Variants in STK24 observed in about 807,000 individuals in gnomAD.
STK24 encodes serine/threonine-protein kinase 24.
STK24 carries 21 observed loss-of-function variants against 55.6 expected under a neutral mutation model. That is an observed-to-expected ratio of 0.38 (90% CI 0.27 to 0.54). The LOEUF is 0.54. STK24 is among the 20% of genes least tolerant of loss of function. The probability of loss-of-function intolerance (pLI) is 0.79; values close to 1 mark genes in which losing one functional copy is unlikely to be tolerated. For missense variants in STK24, 383 were observed against 538.4 expected (o/e 0.71, Z 2.86); for synonymous variants, 200 against 215.2 (o/e 0.93, Z 0.62).
chr13:98,543,092 C>G, intron 1 of STK24: 1 of 901,752 alleles, frequency 1.1e-6, no homozygotes, highest in Non-Finnish European at 1.3e-6. Flanking sequence ...GGCCGCAGCT[C>G]CGCTCCGGCT....
chr13:98,527,639 G>T (rs2139396976), intron 1 of STK24, among the ~76,000 whole-genome samples: 1 of 152,268 alleles, frequency 6.6e-6, no homozygotes, highest in East Asian at 1.9e-4. Context: ...TGAACGACTG[G>T]GGAGGGCACA....
chr13:98,466,726 C>T (rs1482529450), intron 5 of STK24, among the ~76,000 whole-genome samples, 165 bp from the exon 6 acceptor site: 1 of 152,196 alleles, frequency 6.6e-6, no homozygotes, highest in Non-Finnish European at 1.5e-5. Context: ...TCAAAAGAGA[C>T]AACAGGAGAA....
At chr13:98,501,129 TTAGTC>T (rs1895444459) in intron 2 of STK24, among the ~76,000 whole-genome samples, 1 of 152,242 alleles carries the variant, frequency 6.6e-6, no homozygotes, top group African/African-American at 2.4e-5. Context: ...TTCAAACTCT[TTAGTC>T]TATAATTAAG....
intron 3 of STK24, among the ~76,000 whole-genome samples, chr13:98,478,433 C>A (rs1566357709): frequency 1.3e-5 from 2 of 152,228 alleles, no homozygotes; most frequent in Non-Finnish European, 2.9e-5. Context: ...AAATGTGCCC[C>A]ATGCCCCTGC....
At chr13:98,501,388 G>T in intron 2 of STK24, among the ~76,000 whole-genome samples, 1 of 152,216 alleles carries the variant, frequency 6.6e-6, no homozygotes, top group East Asian at 1.9e-4. Context: ...AGGAGGGCAG[G>T]GGCAGCGAGA....
intron 7 of STK24, among the ~76,000 whole-genome samples, chr13:98,462,788 G>A (rs1893764173): frequency 6.6e-6 from 1 of 152,016 alleles, no homozygotes; most frequent in South Asian, 2.1e-4. Flanking sequence ...CCCCACACTC[G>A]GCTTCCCGCA....
chr13:98,448,240 A>G lies in STK24; in HGVS notation c.*4933T>C. 6.2e-7 allele frequency: 1 copy of G among 1,613,778 alleles called. No individual in the cohort carries two copies. Among genetic ancestry groups the G allele is most frequent in the Non-Finnish European group, 8.5e-7 (1 of 1,179,704 alleles). ...ACTGGCGTTCCCGTGTTGCAGGTGGATGGAAGTGATCCGCAGTGCCACCAG... is the reference window on the plus strand; with the variant it reads ...ACTGGCGTTCCCGTGTTGCAGGTGGGTGGAAGTGATCCGCAGTGCCACCAG... On this transcript the variant is annotated 3_prime_UTR_variant, in exon 11 of 11. Transcript: ENST00000539966.
chr13:98,515,545 T>C (rs1453027221), intron 2 of STK24, among the ~76,000 whole-genome samples: 2 of 152,074 alleles, frequency 1.3e-5, no homozygotes, highest in African/African-American at 2.4e-5. Flanking sequence ...TGTTGTATTG[T>C]TCCTTCTCCT....
intron 3 of STK24, among the ~76,000 whole-genome samples, chr13:98,481,889 AAAC>A (rs753407168): frequency 1.9e-3 from 290 of 151,962 alleles, no homozygotes; most frequent in Non-Finnish European, 3.1e-3. Flanking sequence ...TTCTACCCAA[AAAC>A]AACAACAACA....
intron 2 of STK24, among the ~76,000 whole-genome samples, chr13:98,507,772 A>G (rs1895746727): frequency 6.6e-6 from 1 of 152,180 alleles, no homozygotes; most frequent in South Asian, 2.1e-4. Context: ...AGATCTCCAG[A>G]GCACAGAGTC....
chr13:98,447,045 C>T lies in STK24; in HGVS notation c.*6128G>A, dbSNP rs1892890954. 5.9e-6 allele frequency: 3 copies of T among 511,900 alleles called. No homozygotes were observed. Among genetic ancestry groups the T allele is most frequent in the Non-Finnish European group, 1.1e-5 (3 of 284,532 alleles). The allele number at this position is 511,900 out of a possible 1,614,324, so 31.7% of individuals were successfully genotyped here. A position where few individuals can be genotyped will look rare whatever the true frequency, so the allele number is the denominator to read the frequency against. On this transcript the variant is annotated 3_prime_UTR_variant, in exon 11 of 11. Coordinates refer to ENST00000539966, the MANE Select transcript of STK24 (RefSeq NM_001032296.4). ...TACCCTGCACGGTGTTGGCTGAGGC[C>T]CTAGACATCTTGCTTGGAGATCTCT...
Position 98,448,048 on chromosome 13 carries a change from A to G in STK24, c.*5125T>C. ...CCAGCTCCACACTGAGTGAGTGCCC[A>G]GGCCAGTGGGTCTCCACTGTACCTC... On this transcript the variant is annotated 3_prime_UTR_variant, in exon 11 of 11. Transcript: ENST00000539966. 1 of 610,564 alleles carries G rather than the reference A, an allele frequency of 1.6e-6. No individual in the cohort carries two copies. The highest frequency in any genetic ancestry group is 3.0e-6 in the Non-Finnish European group (1 of 338,058). The allele number at this position is 610,564 out of a possible 1,614,324, so 37.8% of individuals were successfully genotyped here.
At chr13:98,456,620 C>CAT in intron 10 of STK24, 1 of 465,926 alleles carries the variant, frequency 2.1e-6, no homozygotes, top group African/African-American at 2.0e-5. Flanking sequence ...AGTCCTCACC[C>CAT]ATAGTGCATT....
chr13:98,524,803 C>T (rs1319592017), intron 1 of STK24, among the ~76,000 whole-genome samples: 2 of 152,152 alleles, frequency 1.3e-5, no homozygotes, highest in African/African-American at 2.4e-5. Flanking sequence ...TTGCCTGGAC[C>T]AAGACGGCTT....
chr13:98,528,176 C>A (rs1288545837), intron 1 of STK24, among the ~76,000 whole-genome samples: 4 of 152,136 alleles, frequency 2.6e-5, no homozygotes, highest in African/African-American at 9.7e-5. Flanking sequence ...GTCTCGGGCT[C>A]CCTTCACAGA....
intron 3 of STK24, among the ~76,000 whole-genome samples, chr13:98,479,638 T>C (rs377580639): frequency 6.6e-6 from 1 of 152,182 alleles, no homozygotes; most frequent in Non-Finnish European, 1.5e-5. Context: ...AATTTTTAAC[T>C]TGGGGCAAAG....
At chr13:98,576,108 T>G (rs1375778384) in intron 1 of STK24, 2 of 984,724 alleles carry the variant, frequency 2.0e-6, no homozygotes, top group Non-Finnish European at 2.4e-6. Flanking sequence ...GTCCGAGGGA[T>G]TCCTCCTTCC....
At chr13:98,574,089 G>A (rs529554955) in intron 1 of STK24, among the ~76,000 whole-genome samples, 1 of 151,888 alleles carries the variant, frequency 6.6e-6, no homozygotes, top group Non-Finnish European at 1.5e-5. Context: ...TCAGCTCAAC[G>A]CAACCTCCGC....
intron 2 of STK24, among the ~76,000 whole-genome samples, 188 bp downstream of exon 2, chr13:98,519,055 A>G (rs776440406): frequency 1.3e-5 from 2 of 152,210 alleles, no homozygotes; most frequent in Non-Finnish European, 2.9e-5. Context: ...TTTCACCACA[A>G]ATATTTCTAT....
Sources: allele counts gnomAD v4.1 joint callset (sites outside exome capture counted in the v4.1 genomes callset), GRCh38; gene constraint gnomAD v4.1.1; transcripts MANE v1.5; gene names NCBI Gene and HGNC (gene_info 2026-07-23, HGNC 2026-07-21).